Variants in NXPE3 observed in about 807,000 individuals in gnomAD.
The protein encoded by NXPE3 is neurexophilin and PC-esterase domain family member 3.
NXPE3 carries 26 observed loss-of-function variants against 46.1 expected under a neutral mutation model. The ratio of observed to expected loss-of-function variants is 0.56; its 90% CI spans 0.41 to 0.78. The LOEUF is 0.78. NXPE3 is among the 30% of genes least tolerant of loss of function. The pLI is 0.00. For synonymous variants in NXPE3, 272 were observed against 257.9 expected (o/e 1.05, Z -0.52); for missense variants, 620 against 686.0 (o/e 0.90, Z 1.07).
rs564079035 is a variant in NXPE3, at chr3:101,825,228, C to T, written c.*3274C>T. On this transcript the variant is annotated 3_prime_UTR_variant, in exon 8 of 8. Coordinates refer to ENST00000273347, the MANE Select transcript of NXPE3 (RefSeq NM_145037.4). ...GTCCATGTGTTCTCATCATTTAGCT[C>T]TCACTTATCAGTGAGAACAACTTTC... 8 of 152,312 alleles carry T rather than the reference C, an allele frequency of 5.3e-5. No individual in the cohort carries two copies. Among genetic ancestry groups the T allele is most frequent in the Non-Finnish European group, 7.3e-5 (5 of 68,030 alleles). The allele number at this position is 152,312 out of a possible 1,614,324, so 9.4% of individuals were successfully genotyped here.
chr3:101,796,458 G>C (rs1189091163), intron 4 of NXPE3, among the ~76,000 whole-genome samples: 1 of 152,230 alleles, frequency 6.6e-6, no homozygotes, highest in African/African-American at 2.4e-5. Context: ...GGTGATTTCT[G>C]GATTGGGTTG....
chr3:101,808,795 C>A (rs1941545960), intron 6 of NXPE3, among the ~76,000 whole-genome samples: 2 of 100,702 alleles, frequency 2.0e-5, no homozygotes, highest in African/African-American at 7.2e-5. Flanking sequence ...TTACTTGAAC[C>A]AAATGAATTA....
intron 6 of NXPE3, among the ~76,000 whole-genome samples, chr3:101,807,657 G>T (rs1941483564): frequency 6.6e-6 from 1 of 151,740 alleles, no homozygotes; most frequent in South Asian, 2.1e-4. Context: ...TTCTTCTCTT[G>T]CCAGCCCTCT....
chr3:101,789,281 G>A (rs959298472), intron 4 of NXPE3, among the ~76,000 whole-genome samples: 2 of 152,060 alleles, frequency 1.3e-5, no homozygotes, highest in African/African-American at 4.8e-5. Context: ...TGGTGGCTTA[G>A]GCCTGTAATC....
intron 6 of NXPE3, among the ~76,000 whole-genome samples, chr3:101,810,893 A>C (rs1301973552): frequency 3.3e-5 from 5 of 151,884 alleles, no homozygotes; most frequent in Admixed American, 2.6e-4. Context: ...CAGTGGTGCG[A>C]TCCTGGCTCA....
intron 6 of NXPE3, among the ~76,000 whole-genome samples, chr3:101,815,847 T>C (rs538769128): frequency 6.6e-6 from 1 of 152,028 alleles, no homozygotes; most frequent in African/African-American, 2.4e-5. Context: ...AATACAAAAA[T>C]TAACTGGGTG....
intron 4 of NXPE3, among the ~76,000 whole-genome samples, chr3:101,800,128 A>G (rs530376981): frequency 1.2e-4 from 18 of 151,970 alleles, no homozygotes; most frequent in Admixed American, 9.2e-4. Flanking sequence ...TTCTTTTTCT[A>G]GTTTGCTAAG....
intron 1 of NXPE3, among the ~76,000 whole-genome samples, chr3:101,780,375 A>T (rs898200167): frequency 2.0e-5 from 3 of 152,208 alleles, no homozygotes; most frequent in African/African-American, 7.2e-5. Context: ...CGAAGGGATA[A>T]ATCACTGAAG....
intron 4 of NXPE3, among the ~76,000 whole-genome samples, chr3:101,797,352 G>A (rs1399265224): frequency 5.3e-5 from 8 of 151,928 alleles, no homozygotes; most frequent in Non-Finnish European, 1.5e-5. Context: ...AGACAGCTTG[G>A]CTTCTAATCC....
intron 6 of NXPE3, among the ~76,000 whole-genome samples, chr3:101,815,467 T>C (rs1025349345): frequency 2.0e-5 from 3 of 152,236 alleles, no homozygotes; most frequent in Non-Finnish European, 4.4e-5. Flanking sequence ...CTCGCAGGCA[T>C]GTGGGTGAGA....
Position 101,816,871 on chromosome 3 carries a change from C to A in NXPE3, c.999C>A (p.Pro333=). 2 of 1,614,070 alleles carry A rather than the reference C, an allele frequency of 1.2e-6. No individual in the cohort carries two copies. The highest frequency in any genetic ancestry group is 1.7e-6 in the Non-Finnish European group (2 of 1,179,980). Reference sequence around the variant, plus strand: ...ATTATTATAAAGACCAGTGGAGGCCCAGAAAGTTTAAGATGCGTCAGTTTA... The same window carrying A: ...ATTATTATAAAGACCAGTGGAGGCCAAGAAAGTTTAAGATGCGTCAGTTTA... The part of the protein sequence containing the change: ...SGYYYKDQWR[P]RKFKMRQFND... The change falls in exon 7 of 8, where the codon CCC becomes CCA. Residue 333 remains proline, a synonymous_variant. Coordinates refer to ENST00000273347, the MANE Select transcript of NXPE3 (RefSeq NM_145037.4).
intron 4 of NXPE3, among the ~76,000 whole-genome samples, chr3:101,796,928 C>T (rs1940860059): frequency 1.3e-5 from 2 of 152,128 alleles, no homozygotes; most frequent in African/African-American, 4.8e-5. Context: ...AATGCTATAG[C>T]TATTGAGGAG....
chr3:101,813,654 T>G (rs1282294050), intron 6 of NXPE3, among the ~76,000 whole-genome samples: 2 of 152,236 alleles, frequency 1.3e-5, no homozygotes, highest in Admixed American at 6.5e-5. Flanking sequence ...CACCTCTGTT[T>G]AAACTTCTTC....
chr3:101,781,490 G>T (rs748964317), intron 1 of NXPE3, among the ~76,000 whole-genome samples: 1 of 152,174 alleles, frequency 6.6e-6, no homozygotes, highest in Non-Finnish European at 1.5e-5. Flanking sequence ...GTTGTCACAG[G>T]CCATAAAGAA....
chr3:101,813,252 A>G (rs2107335451), intron 6 of NXPE3, among the ~76,000 whole-genome samples: 1 of 151,904 alleles, frequency 6.6e-6, no homozygotes, highest in Admixed American at 6.6e-5. Context: ...TAAACTGTGT[A>G]CTCCCCTTTG....
chr3:101,817,652 C>G (rs902752918), intron 7 of NXPE3, among the ~76,000 whole-genome samples: 1 of 152,118 alleles, frequency 6.6e-6, no homozygotes, highest in Non-Finnish European at 1.5e-5. Context: ...AGGCCCACCC[C>G]TTCTTCACAA....
intron 5 of NXPE3, among the ~76,000 whole-genome samples, chr3:101,805,436 T>C (rs982446191): frequency 2.6e-5 from 4 of 151,822 alleles, no homozygotes; most frequent in African/African-American, 9.7e-5. Flanking sequence ...AATGTCCTTT[T>C]TTTTTTTTTT....
intron 6 of NXPE3, among the ~76,000 whole-genome samples, chr3:101,816,093 G>A (rs1430091964): frequency 6.6e-6 from 1 of 152,076 alleles, no homozygotes; most frequent in Non-Finnish European, 1.5e-5. Context: ...GAACCCAGGA[G>A]GCGGAGGTTG....
chr3:101,798,572 A>G (rs1940965759), intron 4 of NXPE3, among the ~76,000 whole-genome samples: 1 of 140,032 alleles, frequency 7.1e-6, no homozygotes, highest in Non-Finnish European at 1.5e-5. Flanking sequence ...TATATAATGT[A>G]TATATATGTG....
Sources: gnomAD v4.1 joint callset for allele counts (sites outside exome capture counted in the v4.1 genomes callset) on GRCh38, gnomAD v4.1.1 for gene constraint, MANE v1.5 for transcripts, NCBI Gene and HGNC (gene_info 2026-07-23, HGNC 2026-07-21) for gene names.